SMARCC1: variants seen among roughly 807,000 people sequenced by gnomAD.
SMARCC1 encodes the protein SWI/SNF related BAF chromatin remodeling complex subunit C1.
A neutral mutation model predicts 147.4 loss-of-function variants in SMARCC1; 43 were observed. The observed-to-expected ratio is 0.29, with a 90% confidence interval of 0.23 to 0.38. The LOEUF is 0.38. SMARCC1 is among the 10% of genes least tolerant of loss of function. SMARCC1 has a pLI of 1.00. For missense variants in SMARCC1, 1,119 were observed against 1,381.1 expected (o/e 0.81, Z 3.01); for synonymous variants, 495 against 484.4 (o/e 1.02, Z -0.29).
intron 2 of SMARCC1, among the ~76,000 whole-genome samples, chr3:47,749,730 A>AAG (rs1373212974): frequency 1.6e-4 from 8 of 50,514 alleles, no homozygotes; most frequent in Admixed American, 2.7e-4. Flanking sequence ...CACACAGAGA[A>AAG]AGAGACAGAG....
intron 6 of SMARCC1, among the ~76,000 whole-genome samples, chr3:47,727,584 C>T (rs1037423558): frequency 6.6e-6 from 1 of 151,584 alleles, no homozygotes; most frequent in Non-Finnish European, 1.5e-5. Context: ...TGGGTTTTGG[C>T]CATTTTCCTC....
intron 18 of SMARCC1, among the ~76,000 whole-genome samples, chr3:47,671,196 A>AAAAAAAAACAAC (rs753672169): frequency 1.2e-5 from 1 of 81,144 alleles, no homozygotes; most frequent in African/African-American, 4.0e-5. Flanking sequence ...AAAAAAAAAA[A>AAAAAAAAACAAC]AACACACACA....
chr3:47,686,616 T>C (rs1032350044), intron 13 of SMARCC1, among the ~76,000 whole-genome samples: 1 of 152,246 alleles, frequency 6.6e-6, no homozygotes, highest in Non-Finnish European at 1.5e-5. Flanking sequence ...CTTTTTTTGA[T>C]ATTGAAATGT....
intron 26 of SMARCC1, among the ~76,000 whole-genome samples, chr3:47,594,055 C>T (rs1174316599): frequency 6.6e-6 from 1 of 151,838 alleles, no homozygotes; most frequent in Non-Finnish European, 1.5e-5. Flanking sequence ...ATCTCAGCTA[C>T]TTGAGAGGCT....
At chr3:47,626,644 C>T (rs1380162308) in intron 24 of SMARCC1, among the ~76,000 whole-genome samples, 1 of 152,086 alleles carries the variant, frequency 6.6e-6, no homozygotes, top group Non-Finnish European at 1.5e-5. Flanking sequence ...TTAGAAGGGA[C>T]TTGTGGTAGA....
intron 19 of SMARCC1, chr3:47,663,915 C>A: frequency 6.9e-7 from 1 of 1,455,684 alleles, no homozygotes; most frequent in African/African-American, 1.4e-5. Flanking sequence ...GCTGTCACCG[C>A]TATGAAGTCT....
chr3:47,666,202 T>C (rs1038599377), intron 19 of SMARCC1, among the ~76,000 whole-genome samples: 1 of 152,304 alleles, frequency 6.6e-6, no homozygotes, highest in Admixed American at 6.5e-5. Flanking sequence ...GAACCATTTG[T>C]TCTGCACTGG....
chr3:47,691,152 C>T (rs1011637019), intron 12 of SMARCC1, among the ~76,000 whole-genome samples: 8 of 152,036 alleles, frequency 5.3e-5, no homozygotes, highest in Non-Finnish European at 7.4e-5. Flanking sequence ...TTAATAATAT[C>T]CCTAATATTA....
rs3772408 is a variant in SMARCC1, at chr3:47,588,843, G to A, written c.3221-537C>T. 2.5e-3 allele frequency among the ~76,000 whole-genome samples: 374 copies of A among 152,056 alleles called. 17 individuals are homozygous for A. In the East Asian group the frequency reaches 0.065, roughly 26 times the overall value. On this transcript the variant is annotated intron_variant, in intron 27 of 27. Coordinates refer to ENST00000254480, the MANE Select transcript of SMARCC1 (RefSeq NM_003074.4). ...CTGACAAACTGGATAGTCCAGGGAG[G>A]CCTCCACAGCTCCTGAACTGCAGTC...
chr3:47,679,631 G>A (rs542927818), intron 15 of SMARCC1, among the ~76,000 whole-genome samples: 1 of 152,274 alleles, frequency 6.6e-6, no homozygotes, highest in Admixed American at 6.5e-5. Flanking sequence ...AGAGGCCGAG[G>A]CAAGTGGATC....
intron 19 of SMARCC1, chr3:47,670,369 G>T: frequency 2.8e-6 from 1 of 359,028 alleles, no homozygotes; most frequent in Non-Finnish European, 5.0e-6. Context: ...AGGATTGCTT[G>T]AGTCCAGGAG....
intron 25 of SMARCC1, among the ~76,000 whole-genome samples, chr3:47,616,571 A>C (rs568979747): frequency 2.6e-5 from 4 of 151,608 alleles, no homozygotes; most frequent in Non-Finnish European, 5.9e-5. Context: ...TCAGCCTCCC[A>C]AGTAGCTGGG....
At chr3:47,713,569 A>G (rs1460586055) in intron 8 of SMARCC1, among the ~76,000 whole-genome samples, 2 of 151,832 alleles carry the variant, frequency 1.3e-5, no homozygotes, top group Non-Finnish European at 2.9e-5. Flanking sequence ...AGCTAGGACT[A>G]TAGGGCACTT....
At position 47,590,683 on chromosome 3, in the gene SMARCC1, G is replaced by A. The variant is rs1387476193; in HGVS notation, c.3198C>T (p.Pro1066=). The A allele has an allele frequency of 6.4e-7, 1 of 1,556,226 alleles. No individual in the cohort carries two copies. Among genetic ancestry groups the A allele is most frequent in the Non-Finnish European group, 8.6e-7 (1 of 1,157,316 alleles). Residue 1066 remains proline, a synonymous_variant, in exon 27 of 28, where the codon CCC becomes CCT. Coordinates refer to ENST00000254480, the MANE Select transcript of SMARCC1 (RefSeq NM_003074.4). The part of the protein sequence containing the change: ...MPGNILGPRV[P]LTAPNGMYPP... ...TACACATGCCGTTAGGTGCTGTCAG[G>A]GGTACCCGGGGTCCTAAGATGTTTC...
intron 17 of SMARCC1, among the ~76,000 whole-genome samples, chr3:47,676,221 T>C (rs1462391595): frequency 3.9e-5 from 6 of 152,222 alleles, no homozygotes; most frequent in African/African-American, 1.2e-4. Context: ...AATGTATATA[T>C]GGATATACAC....
chr3:47,740,258 C>T (rs375814810), intron 3 of SMARCC1, among the ~76,000 whole-genome samples: 2 of 119,118 alleles, frequency 1.7e-5, no homozygotes, highest in African/African-American at 3.2e-5. Context: ...TGCAATGGGG[C>T]GATCTCAGCT....
At chr3:47,773,415 C>CAA (rs751850101) in intron 1 of SMARCC1, among the ~76,000 whole-genome samples, 10 of 71,000 alleles carry the variant, frequency 1.4e-4, no homozygotes, top group Non-Finnish European at 2.3e-4. Flanking sequence ...TGTTTTTTAC[C>CAA]AAAAAAAAAA....
At chr3:47,693,604 G>C (rs1287661929) in intron 11 of SMARCC1, among the ~76,000 whole-genome samples, 1 of 152,088 alleles carries the variant, frequency 6.6e-6, no homozygotes, top group Non-Finnish European at 1.5e-5. Context: ...TGATGCATTT[G>C]TTTTGATTCT....
chr3:47,617,855 G>C (rs2032667479), intron 25 of SMARCC1, among the ~76,000 whole-genome samples: 1 of 152,162 alleles, frequency 6.6e-6, no homozygotes, highest in South Asian at 2.1e-4. Flanking sequence ...AAGTTGGTCT[G>C]TGACCAACAG....
Sources: gnomAD v4.1 joint callset for allele counts (sites outside exome capture counted in the v4.1 genomes callset) on GRCh38, gnomAD v4.1.1 for gene constraint, MANE v1.5 for transcripts, NCBI Gene and HGNC (gene_info 2026-07-23, HGNC 2026-07-21) for gene names.